RUNDC3B: variants seen among roughly 807,000 people sequenced by gnomAD.
RUNDC3B encodes RUN domain containing 3B, also known as RUN domain-containing protein 3B.
RUNDC3B carries 33 observed loss-of-function variants against 58.4 expected under a neutral mutation model. That is an observed-to-expected ratio of 0.56 (90% CI 0.43 to 0.75). RUNDC3B has a LOEUF of 0.75. RUNDC3B is among the 30% of genes least tolerant of loss of function. The pLI is 0.00. For missense variants in RUNDC3B, 501 were observed against 535.7 expected (o/e 0.94, Z 0.64); for synonymous variants, 193 against 195.2 (o/e 0.99, Z 0.10).
At chr7:87,819,179 AG>A (rs1837259953) in intron 10 of RUNDC3B, among the ~76,000 whole-genome samples, 1 of 152,172 alleles carries the variant, frequency 6.6e-6, no homozygotes, top group Non-Finnish European at 1.5e-5. Flanking sequence ...CTGATTATTC[AG>A]TAAGATTAAC....
At chr7:87,742,760 T>C (rs1366112048) in intron 6 of RUNDC3B, among the ~76,000 whole-genome samples, 1 of 152,056 alleles carries the variant, frequency 6.6e-6, no homozygotes, top group Non-Finnish European at 1.5e-5. Flanking sequence ...CAGATAGTGT[T>C]AAGAATTCAA....
chr7:87,752,600 T>A (rs1833083459), intron 6 of RUNDC3B, among the ~76,000 whole-genome samples: 1 of 152,190 alleles, frequency 6.6e-6, no homozygotes, highest in Non-Finnish European at 1.5e-5. Flanking sequence ...TGGTTTAGTC[T>A]TGGGAGAGTG....
At chr7:87,663,011 A>G (rs887208182) in intron 2 of RUNDC3B, among the ~76,000 whole-genome samples, 4 of 151,880 alleles carry the variant, frequency 2.6e-5, no homozygotes, top group Non-Finnish European at 5.9e-5. Flanking sequence ...AGCAATTATA[A>G]ATAATAGTAC....
chr7:87,733,132 G>C (rs904831290), intron 4 of RUNDC3B, among the ~76,000 whole-genome samples: 1 of 151,860 alleles, frequency 6.6e-6, no homozygotes, highest in African/African-American at 2.4e-5. Context: ...ATGGACAGGC[G>C]CCCCCCCATG....
At chr7:87,821,444 T>C (rs1336620200) in intron 10 of RUNDC3B, among the ~76,000 whole-genome samples, 1 of 152,106 alleles carries the variant, frequency 6.6e-6, no homozygotes, top group Non-Finnish European at 1.5e-5. Flanking sequence ...AGAGTCAATA[T>C]TGTGAAAATG....
At chr7:87,741,438 A>T (rs1832319654) in intron 5 of RUNDC3B, 61 bp from the exon 6 acceptor site, 1 of 970,412 alleles carries the variant, frequency 1.0e-6, no homozygotes, top group African/African-American at 1.7e-5. Flanking sequence ...TTTTCATGAA[A>T]CTTAACTTTG....
intron 6 of RUNDC3B, among the ~76,000 whole-genome samples, chr7:87,765,783 A>G (rs1159421047): frequency 6.6e-6 from 1 of 152,108 alleles, no homozygotes; most frequent in Admixed American, 6.5e-5. Flanking sequence ...ATTGGGTAGC[A>G]TGTTCTGTAA....
rs1369751687 is a variant in RUNDC3B, at chr7:87,700,491, A to C, written c.309A>C (p.Lys103Asn). ...ACTATATCAGAGTGGCTTGCCGGAA[A>C]GTTTCACAGAATTGTATCTGCAGCA... Reference protein sequence around the residue: ...FWDYIRVACRKVSQNCICSIE... With the variant: ...FWDYIRVACRNVSQNCICSIE... The change falls in exon 3 of 11, where the codon AAA (lysine) becomes AAC (asparagine). Residue 103 changes from lysine (K) to asparagine (N), a missense_variant. Coordinates refer to ENST00000394654, the MANE Select transcript of RUNDC3B (RefSeq NM_001134405.2). The C allele has an allele frequency of 6.2e-7, 1 of 1,613,688 alleles. No homozygotes were observed. The highest frequency in any genetic ancestry group is 8.5e-7 in the Non-Finnish European group (1 of 1,179,814).
In RUNDC3B at chr7:87,831,707, A is replaced by G. The variant is rs2130987859; in HGVS notation, c.*1677A>G. Reference sequence around the variant, plus strand: ...GGAAGGTAGGTATAATATGAGGACAATGGAAACTTTGGGAGAAGGGAGTGA... The same window carrying G: ...GGAAGGTAGGTATAATATGAGGACAGTGGAAACTTTGGGAGAAGGGAGTGA... On this transcript the variant is annotated 3_prime_UTR_variant, in exon 11 of 11. Transcript: ENST00000394654. 6.6e-6 allele frequency: 1 copy of G among 152,016 alleles called. No homozygotes were observed. The highest frequency in any genetic ancestry group is 2.4e-5 in the African/African-American group (1 of 41,548). The allele number at this position is 152,016 out of a possible 1,614,324, so 9.4% of individuals were successfully genotyped here.
chr7:87,636,611 C>T (rs1821800451), intron 1 of RUNDC3B, among the ~76,000 whole-genome samples: 3 of 152,102 alleles, frequency 2.0e-5, no homozygotes. Flanking sequence ...ACTGTAATGT[C>T]TTTAAGAAGC....
intron 2 of RUNDC3B, among the ~76,000 whole-genome samples, chr7:87,698,491 G>T (rs559846558): frequency 6.6e-6 from 1 of 152,162 alleles, no homozygotes; most frequent in Non-Finnish European, 1.5e-5. Flanking sequence ...AAATATATTT[G>T]TGCAAAATAT....
At chr7:87,813,992 AAAG>A (rs1836880606) in intron 9 of RUNDC3B, among the ~76,000 whole-genome samples, 1 of 152,174 alleles carries the variant, frequency 6.6e-6, no homozygotes, top group Non-Finnish European at 1.5e-5. Context: ...AAAAAAAAAA[AAAG>A]ATTTTAATGA....
At position 87,677,274 on chromosome 7, in the gene RUNDC3B, AACACACACACACAC is replaced by A. The variant is rs57009840; in HGVS notation, c.239-23124_239-23111del. 1.2e-4 allele frequency among the ~76,000 whole-genome samples: 16 copies of A among 135,898 alleles called. No homozygotes were observed. In the South Asian group the frequency reaches 2.2e-3, roughly 18 times the overall value. The allele number at this position is 135,898 out of a possible 152,430, so 89.2% of individuals were successfully genotyped here. A position where few individuals can be genotyped will look rare whatever the true frequency, so the allele number is the denominator to read the frequency against. On this transcript the variant is annotated intron_variant, in intron 2 of 10. Transcript: ENST00000394654. ...TGGATTAATAAACTACAGTGTATAT[AACACACACACACAC>A]ACACACACACACACACACACACCAC...
At chr7:87,828,502 C>T (rs1376695532) in intron 10 of RUNDC3B, among the ~76,000 whole-genome samples, 1 of 152,152 alleles carries the variant, frequency 6.6e-6, no homozygotes, top group Non-Finnish European at 1.5e-5. Flanking sequence ...TGTTAATTCA[C>T]TTAAGATAAT....
intron 6 of RUNDC3B, among the ~76,000 whole-genome samples, chr7:87,758,472 A>G (rs1267614874): frequency 6.6e-6 from 1 of 152,244 alleles, no homozygotes; most frequent in Non-Finnish European, 1.5e-5. Context: ...AAAATGGACA[A>G]ATGGGATTCC....
chr7:87,652,830 A>C (rs543520350), intron 2 of RUNDC3B, among the ~76,000 whole-genome samples: 2 of 152,054 alleles, frequency 1.3e-5, no homozygotes, highest in East Asian at 3.9e-4. Context: ...GTTACATAGC[A>C]ACTAATTTTT....
chr7:87,665,209 A>T (rs1365133423), intron 2 of RUNDC3B, among the ~76,000 whole-genome samples: 1 of 152,194 alleles, frequency 6.6e-6, no homozygotes, highest in Non-Finnish European at 1.5e-5. Flanking sequence ...CCTAAATACC[A>T]AAAAATGGTT....
intron 4 of RUNDC3B, among the ~76,000 whole-genome samples, chr7:87,721,883 A>G (rs770944380): frequency 7.3e-5 from 11 of 151,170 alleles, no homozygotes; most frequent in Non-Finnish European, 1.6e-4. Context: ...ATGGGATATT[A>G]TTAGTTATTT....
chr7:87,774,561 C>T (rs1327143785), intron 7 of RUNDC3B, among the ~76,000 whole-genome samples: 1 of 151,904 alleles, frequency 6.6e-6, no homozygotes, highest in Non-Finnish European at 1.5e-5. Context: ...GAGAAACTCT[C>T]CCAATAATTA....
Sources: allele counts gnomAD v4.1 joint callset (sites outside exome capture counted in the v4.1 genomes callset), GRCh38; gene constraint gnomAD v4.1.1; transcripts MANE v1.5; gene names NCBI Gene and HGNC (gene_info 2026-07-23, HGNC 2026-07-21).